Variants in PAM observed in about 807,000 individuals in gnomAD.
PAM encodes the protein peptidylglycine alpha-amidating monooxygenase.
Under a neutral mutation model 122.1 loss-of-function variants are expected in PAM, and 72 were observed. The ratio of observed to expected loss-of-function variants is 0.59; its 90% confidence interval spans 0.49 to 0.72. PAM has a LOEUF of 0.72. PAM is among the 30% of genes least tolerant of loss of function. PAM has a pLI of 0.00. For missense variants in PAM, 1,106 were observed against 1,183.7 expected, an observed-to-expected ratio of 0.93 and a Z score of 0.96; for synonymous variants, 389 against 404.4, an observed-to-expected ratio of 0.96 and a Z score of 0.46.
At chr5:102,772,385 G>A (rs931235994) in intron 1 of PAM, among the ~76,000 whole-genome samples, 3 of 152,016 alleles carry the variant, frequency 2.0e-5, no homozygotes, top group Admixed American at 1.3e-4. Context: ...GTTTGAAAAT[G>A]GCCTGTTTTG....
At chr5:102,953,461 A>G (rs1178110571) in intron 12 of PAM, among the ~76,000 whole-genome samples, 1 of 152,186 alleles carries the variant, frequency 6.6e-6, no homozygotes, top group Non-Finnish European at 1.5e-5. Flanking sequence ...AGGCACAGAT[A>G]TATTAATACA....
chr5:103,006,835 C>G lies in PAM; in HGVS notation c.1838C>G (p.Pro613Arg). 1 of 1,613,766 alleles carries G rather than the reference C, an allele frequency of 6.2e-7. No individual in the cohort carries two copies. Among genetic ancestry groups the G allele is most frequent in the Non-Finnish European group, 8.5e-7 (1 of 1,179,800 alleles). The change falls in exon 19 of 26, where the codon CCT (proline) becomes CGT (arginine). Residue 613 changes from proline to arginine, a missense_variant. Physicochemically the swap from Pro to Arg is moderately radical, Grantham distance 103 (BLOSUM62 -2). Transcript: ENST00000438793. The part of the protein sequence containing the change: ...FKLDPNNKEG[P>R]VLILGRSMQP... The stretch of plus-strand genomic sequence containing the variant: ...CTGGATCCAAACAATAAAGAAGGCC[C>G]TGTATTAATCCTGGGAAGGAGCATG...
chr5:102,908,731 A>T (rs1380184930), intron 4 of PAM, among the ~76,000 whole-genome samples: 1 of 151,646 alleles, frequency 6.6e-6, no homozygotes, highest in African/African-American at 2.4e-5. Context: ...AAAAGAAAAA[A>T]AAATAATAAA....
chr5:102,796,868 A>G (rs1282559374), intron 1 of PAM, among the ~76,000 whole-genome samples: 1 of 152,218 alleles, frequency 6.6e-6, no homozygotes. Flanking sequence ...GATTGAATGC[A>G]TTAAGGTGTG....
chr5:102,891,039 A>T (rs1028008586), intron 3 of PAM, among the ~76,000 whole-genome samples: 1 of 151,918 alleles, frequency 6.6e-6, no homozygotes, highest in Non-Finnish European at 1.5e-5. Context: ...TGATAGACTT[A>T]AAAAGCATAA....
At chr5:102,943,949 T>C (rs1396227320) in intron 7 of PAM, among the ~76,000 whole-genome samples, 1 of 152,202 alleles carries the variant, frequency 6.6e-6, no homozygotes, top group Non-Finnish European at 1.5e-5. Context: ...CTGGAAATAC[T>C]CATTTCTTTC....
intron 1 of PAM, among the ~76,000 whole-genome samples, chr5:102,828,270 C>T (rs887312863): frequency 4.0e-5 from 6 of 151,890 alleles, no homozygotes; most frequent in African/African-American, 1.5e-4. Context: ...TTGATTGAGC[C>T]TAGAAGGCGG....
intron 14 of PAM, among the ~76,000 whole-genome samples, chr5:102,972,233 C>T (rs150171556): frequency 5.3e-5 from 8 of 152,088 alleles, no homozygotes; most frequent in African/African-American, 1.7e-4. Context: ...AGAGAGAGAC[C>T]CTGTCTCAAT....
At chr5:102,902,354 C>T (rs1005423224) in intron 4 of PAM, among the ~76,000 whole-genome samples, 1 of 151,584 alleles carries the variant, frequency 6.6e-6, no homozygotes, top group African/African-American at 2.4e-5. Context: ...TTTTTATTCA[C>T]ACACATTGGT....
chr5:102,794,564 A>AT (rs1762875444), intron 1 of PAM, among the ~76,000 whole-genome samples: 1 of 151,440 alleles, frequency 6.6e-6, no homozygotes, highest in Admixed American at 6.6e-5. Flanking sequence ...GAAAAAAAAG[A>AT]TTTATTTTTT....
intron 1 of PAM, among the ~76,000 whole-genome samples, chr5:102,769,959 C>T (rs912191720): frequency 5.3e-5 from 8 of 151,890 alleles, no homozygotes; most frequent in Admixed American, 1.3e-4. Flanking sequence ...GACATTTTAC[C>T]GATATTGATT....
At chr5:102,840,564 C>T (rs1392869866) in intron 1 of PAM, among the ~76,000 whole-genome samples, 1 of 152,026 alleles carries the variant, frequency 6.6e-6, no homozygotes, top group African/African-American at 2.4e-5. Context: ...CTGCATAGAA[C>T]AAAACTAGTG....
At chr5:102,894,459 G>A (rs1275895961) in intron 3 of PAM, among the ~76,000 whole-genome samples, 1 of 151,662 alleles carries the variant, frequency 6.6e-6, no homozygotes, top group African/African-American at 2.4e-5. Flanking sequence ...CTCCTTGGCC[G>A]CTGTTACTTG....
intron 1 of PAM, among the ~76,000 whole-genome samples, chr5:102,820,095 A>C (rs1228275845): frequency 4.1e-4 from 62 of 152,354 alleles, no homozygotes; most frequent in South Asian, 2.1e-4. Context: ...TTTTTAAAAA[A>C]TTCATGACTC....
chr5:102,824,063 T>C (rs1772859388), intron 1 of PAM, among the ~76,000 whole-genome samples: 1 of 152,196 alleles, frequency 6.6e-6, no homozygotes, highest in Admixed American at 6.5e-5. Context: ...TTTGGTTTAT[T>C]GAAGCCCTAC....
chr5:103,016,917 G>A (rs1413547771), intron 21 of PAM, among the ~76,000 whole-genome samples: 1 of 152,098 alleles, frequency 6.6e-6, no homozygotes, highest in Non-Finnish European at 1.5e-5. Context: ...TTAATACCTA[G>A]ACTTTTTTAC....
intron 1 of PAM, among the ~76,000 whole-genome samples, chr5:102,819,621 A>C (rs571772779): frequency 1.3e-5 from 2 of 152,292 alleles, no homozygotes; most frequent in East Asian, 1.9e-4. Flanking sequence ...ACTGCAATAA[A>C]ATAGAAATAT....
chr5:102,884,047 T>C (rs753913072), intron 3 of PAM, among the ~76,000 whole-genome samples: 8 of 151,738 alleles, frequency 5.3e-5, no homozygotes, highest in Non-Finnish European at 1.0e-4. Context: ...AAATAAATAA[T>C]AACAAAAATC....
At chr5:102,832,190 G>A (rs1054734922) in intron 1 of PAM, among the ~76,000 whole-genome samples, 1 of 152,056 alleles carries the variant, frequency 6.6e-6, no homozygotes, top group Admixed American at 6.6e-5. Context: ...ATTTGGGGAC[G>A]CACAGTGATT....
Sources: allele counts gnomAD v4.1 joint callset (sites outside exome capture counted in the v4.1 genomes callset), GRCh38; gene constraint gnomAD v4.1.1; transcripts MANE v1.5; gene names NCBI Gene and HGNC (gene_info 2026-07-23, HGNC 2026-07-21).